The following SPTBN4 variants were observed in gnomAD, a reference collection of about 807,000 sequenced individuals.
The protein encoded by SPTBN4 is spectrin beta chain, non-erythrocytic 4.
In SPTBN4, 96 loss-of-function variants were observed where a neutral mutation model predicts 277.8. The ratio of observed to expected loss-of-function variants is 0.35; its 90% confidence interval spans 0.29 to 0.41. The LOEUF is 0.41. SPTBN4 is among the 10% of genes least tolerant of loss of function. The pLI, the probability that SPTBN4 is intolerant of heterozygous loss-of-function variation, is 1.00. For missense variants in SPTBN4, 3,006 were observed against 3,595.7 expected, an observed-to-expected ratio of 0.84 and a Z score of 4.19; for synonymous variants, 1,481 against 1,580.3, an observed-to-expected ratio of 0.94 and a Z score of 1.49.
At position 40,502,686 on chromosome 19, in the gene SPTBN4, A is replaced by G. The variant is rs1402173027; in HGVS notation, c.1204-89A>G. The stretch of plus-strand genomic sequence containing the variant: ...TTTTTCCAATTTGCATGAAGTTGCC[A>G]TAATGCTATGAGTGACCTCAGACTA... On this transcript the variant is annotated intron_variant, in intron 10 of 35. Transcript: ENST00000598249. The surrounding 1 kb of genome is among the most constrained non-coding windows in gnomAD (Gnocchi z 4.9). 6.5e-6 allele frequency: 10 copies of G among 1,534,010 alleles called. No individual in the cohort carries two copies. The South Asian group carries it at 1.3e-4, about 19-fold the overall frequency.
intron 2 of SPTBN4, among the ~76,000 whole-genome samples, chr19:40,473,044 T>G (rs2079904158): frequency 6.6e-6 from 1 of 152,084 alleles, no homozygotes; most frequent in African/African-American, 2.4e-5. Flanking sequence ...TTAATTAAAT[T>G]TATTTATATA....
chr19:40,475,182 C>G (rs978955828), intron 2 of SPTBN4, among the ~76,000 whole-genome samples: 36 of 152,086 alleles, frequency 2.4e-4, no homozygotes, highest in Non-Finnish European at 5.9e-5. Context: ...AGTGTTTAAT[C>G]ATCAGCATTA....
At chr19:40,495,672 A>C (rs2080188894) in intron 6 of SPTBN4, among the ~76,000 whole-genome samples, 1 of 151,972 alleles carries the variant, frequency 6.6e-6, no homozygotes. Context: ...CCACCAAAAA[A>C]AAGAAAAGAA....
chr19:40,566,334 T>C lies in SPTBN4; in HGVS notation c.6311T>C (p.Phe2104Ser). 6.3e-7 allele frequency: 1 copy of C among 1,583,502 alleles called. No homozygotes were observed. Among genetic ancestry groups the C allele is most frequent in the Non-Finnish European group, 8.6e-7 (1 of 1,165,238 alleles). ...RKAAAAWEER[F>S]SSLRRLTTIE... is the part of the protein sequence containing the mutation. ...GCGGCTGCAGCCTGGGAAGAGAGGT[T>C]CAGCTCTCTGCGGCGCCTGACCACG... The change falls in exon 30 of 36, where the codon TTC (phenylalanine) becomes TCC (serine). Residue 2104 changes from phenylalanine to serine, a missense_variant. Transcript: ENST00000598249.
intron 4 of SPTBN4, among the ~76,000 whole-genome samples, chr19:40,491,802 C>G (rs949548011): frequency 2.8e-5 from 4 of 143,564 alleles, no homozygotes; most frequent in African/African-American, 1.1e-4. Context: ...GTGGGTGGAT[C>G]ACCTGAGGTC....
chr19:40,571,432 G>T (rs1205863802), intron 33 of SPTBN4: 1 of 152,478 alleles, frequency 6.6e-6, no homozygotes, highest in Non-Finnish European at 1.5e-5. Context: ...CAGAATCTGG[G>T]GACAAGTGGA....
chr19:40,479,747 A>G (rs2079989081), intron 2 of SPTBN4, among the ~76,000 whole-genome samples: 1 of 149,320 alleles, frequency 6.7e-6, no homozygotes, highest in Non-Finnish European at 1.5e-5. Context: ...AGAATGGCAG[A>G]TAAATCATGC....
intron 7 of SPTBN4, among the ~76,000 whole-genome samples, chr19:40,501,187 A>G (rs907170956): frequency 6.6e-6 from 1 of 151,732 alleles, no homozygotes; most frequent in African/African-American, 2.4e-5. Flanking sequence ...GCAGTGAGCT[A>G]TGATTGCACC....
At chr19:40,538,775 G>C (rs965583271) in intron 20 of SPTBN4, among the ~76,000 whole-genome samples, 11 of 152,146 alleles carry the variant, frequency 7.2e-5, no homozygotes, top group African/African-American at 2.2e-4. Context: ...ATTTTATAGA[G>C]ACGGGGGCCT....
chr19:40,511,541 A>T (rs1471030726), intron 13 of SPTBN4, among the ~76,000 whole-genome samples: 1 of 152,226 alleles, frequency 6.6e-6, no homozygotes, highest in African/African-American at 2.4e-5. Context: ...GTGACCCATT[A>T]AATTAACTTC....
intron 25 of SPTBN4, 134 bp downstream of exon 25, chr19:40,556,422 T>G: frequency 1.3e-6 from 1 of 777,218 alleles, no homozygotes; most frequent in Non-Finnish European, 2.0e-6. Context: ...TGAGTTAATA[T>G]AACGTAAAGC....
In SPTBN4 at chr19:40,515,490, T is replaced by A. The variant is rs1374977497; in HGVS notation, c.2903+42T>A. The A allele has an allele frequency of 5.9e-6, 9 of 1,524,006 alleles. No individual in the cohort carries two copies. The highest frequency in any genetic ancestry group is 2.2e-4 in the Middle Eastern group (1 of 4,602). 94.4% of individuals were successfully genotyped at this position (1,524,006 alleles called of 1,614,324 possible). On this transcript the variant is annotated intron_variant, in intron 15 of 35. Coordinates refer to ENST00000598249, the MANE Select transcript of SPTBN4 (RefSeq NM_020971.3). The surrounding 1 kb of genome is among the most constrained non-coding windows in gnomAD (Gnocchi z 4.1). ...CTGGGAGTCCCTCCCATCCTTCCCT[T>A]CCACACTCACACAGCCATGGACAGC...
chr19:40,506,454 A>G, intron 13 of SPTBN4, 68 bp downstream of exon 13: 1 of 1,533,404 alleles, frequency 6.5e-7, no homozygotes, highest in Non-Finnish European at 8.8e-7. Context: ...TAGAGGCAAG[A>G]GTGACTCCTG....
At chr19:40,530,243 C>T (rs2080648275) in intron 18 of SPTBN4, among the ~76,000 whole-genome samples, 1 of 152,152 alleles carries the variant, frequency 6.6e-6, no homozygotes, top group South Asian at 2.1e-4. Flanking sequence ...GCCCCAGGCG[C>T]TCCCTCCCGG....
chr19:40,575,423 G>A lies in SPTBN4; in HGVS notation c.7549G>A (p.Gly2517Ser), dbSNP rs767195804. 1.9e-5 allele frequency: 30 copies of A among 1,613,188 alleles called. No homozygotes were observed. In the Admixed American group the frequency reaches 3.2e-4, roughly 17 times the overall value. Reference sequence around the variant, plus strand: ...TTTCTTCCCCCAGGAGGAGATGAACGGCTGGCTGGAGGCTGTAGCTTCCTC... The same window carrying A: ...TTTCTTCCCCCAGGAGGAGATGAACAGCTGGCTGGAGGCTGTAGCTTCCTC... ...LQAKDEEEMN[G>S]WLEAVASSVA... is the part of the protein sequence containing the mutation. The change falls in exon 36 of 36, where the codon GGC (glycine) becomes AGC (serine). Residue 2517 changes from glycine to serine, a missense_variant. Transcript: ENST00000598249.
In SPTBN4 at chr19:40,571,865, A is replaced by C. The variant is rs543089188; in HGVS notation, c.7320-154A>C. ...CTCCCCTCAGGGCAGCAACAGCCTT[A>C]AGGAAGAGCATTTTAGGTCCAACTA... On this transcript the variant is annotated intron_variant, in intron 33 of 35. Transcript: ENST00000598249. 3 of 797,526 alleles carry C rather than the reference A, an allele frequency of 3.8e-6. No homozygotes were observed. In the African/African-American group the frequency reaches 5.2e-5, roughly 14 times the overall value. 49.4% of individuals were successfully genotyped at this position (797,526 alleles called of 1,614,324 possible).
intron 27 of SPTBN4, among the ~76,000 whole-genome samples, chr19:40,561,164 C>A (rs75413803): frequency 0.13 from 20,201 of 152,164 alleles, 1,776 homozygotes; most frequent in Non-Finnish European, 0.2. Flanking sequence ...CAGGCGCCCA[C>A]CACCACGTCT....
chr19:40,473,670 T>G (rs2079913437), intron 2 of SPTBN4, among the ~76,000 whole-genome samples: 1 of 151,896 alleles, frequency 6.6e-6, no homozygotes, highest in South Asian at 2.1e-4. Flanking sequence ...TTTAATTAAA[T>G]TTAAATAGCC....
At chr19:40,523,738 C>T (rs1048863769) in intron 17 of SPTBN4, 99 bp downstream of exon 17, 29 of 1,083,070 alleles carry the variant, frequency 2.7e-5, no homozygotes, top group Non-Finnish European at 3.0e-5. Flanking sequence ...CCTTTCATCA[C>T]GATTTCTGCT....
Sources: gnomAD v4.1 joint callset for allele counts (sites outside exome capture counted in the v4.1 genomes callset) on GRCh38, gnomAD v4.1.1 for gene constraint, Gnocchi (gnomAD v3.1) non-coding constraint, MANE v1.5 for transcripts, NCBI Gene and HGNC (gene_info 2026-07-23, HGNC 2026-07-21) for gene names.